LINGO2: variants seen among roughly 807,000 people sequenced by gnomAD.
LINGO2 encodes the protein leucine rich repeat and Ig domain containing 2, also known as leucine-rich repeat and immunoglobulin-like domain-containing nogo receptor-interacting protein 2.
Under a neutral mutation model 30.6 loss-of-function variants are expected in LINGO2, and 14 were observed. The observed-to-expected ratio is 0.46, with a 90% confidence interval of 0.30 to 0.72. LINGO2 has a LOEUF of 0.72. Among genes scored for constraint, LINGO2 ranks in the 30% least tolerant of loss-of-function variants. The pLI, the probability that LINGO2 is intolerant of heterozygous loss-of-function variation, is 0.07. For missense variants in LINGO2, 729 were observed against 751.7 expected (o/e 0.97, Z 0.35); for synonymous variants, 317 against 288.5 (o/e 1.10, Z -1.00).
chr9:28,617,307 T>C (rs567471812), intron 1 of LINGO2, among the ~76,000 whole-genome samples: 14 of 151,928 alleles, frequency 9.2e-5, no homozygotes, highest in East Asian at 5.8e-4. Flanking sequence ...CTTTTCTTTT[T>C]TTTTTCGAGA....
chr9:28,994,551 G>T, the LINGO2 span, among the ~76,000 whole-genome samples: 5 of 151,232 alleles, frequency 3.3e-5, no homozygotes, highest in African/African-American at 1.2e-4. Flanking sequence ...AAAAGAGCCT[G>T]CATCGCCAAG....
chr9:28,765,202 G>T, the LINGO2 span, among the ~76,000 whole-genome samples: 5 of 151,980 alleles, frequency 3.3e-5, no homozygotes, highest in Admixed American at 6.6e-5. Flanking sequence ...TCTTGAGAAA[G>T]AAAAACAAAA....
the LINGO2 span, among the ~76,000 whole-genome samples, chr9:28,808,046 T>A: frequency 3.3e-5 from 5 of 152,198 alleles, no homozygotes; most frequent in Admixed American, 3.3e-4. Flanking sequence ...AGAATCATCA[T>A]AATGACTAAA....
intron 1 of LINGO2, among the ~76,000 whole-genome samples, chr9:28,495,356 C>T (rs141097883): frequency 6.6e-6 from 1 of 152,186 alleles, no homozygotes; most frequent in Non-Finnish European, 1.5e-5. Context: ...TTAGGTCTAA[C>T]ATTTAAGTCT....
chr9:28,720,640 G>C, the LINGO2 span, among the ~76,000 whole-genome samples: 1 of 151,914 alleles, frequency 6.6e-6, no homozygotes, highest in Non-Finnish European at 1.5e-5. Flanking sequence ...AATATTATTT[G>C]ACCTAATTGA....
intron 1 of LINGO2, among the ~76,000 whole-genome samples, chr9:28,662,886 TGTGA>T (rs1363777769): frequency 6.6e-6 from 1 of 152,124 alleles, no homozygotes; most frequent in African/African-American, 2.4e-5. Flanking sequence ...TTTCCAACAT[TGTGA>T]GTAAGCAAAA....
the LINGO2 span, among the ~76,000 whole-genome samples, chr9:29,170,949 C>T: frequency 6.6e-6 from 1 of 151,956 alleles, no homozygotes; most frequent in South Asian, 2.1e-4. Context: ...GTATAAATTG[C>T]TTTAGAAGTG....
chr9:28,249,959 G>A (rs1274550383), intron 4 of LINGO2, among the ~76,000 whole-genome samples: 1 of 152,186 alleles, frequency 6.6e-6, no homozygotes, highest in Non-Finnish European at 1.5e-5. Flanking sequence ...TATTCAGATA[G>A]AAGGGGCAGC....
chr9:28,199,293 T>G (rs562992141), intron 4 of LINGO2, among the ~76,000 whole-genome samples: 2 of 151,928 alleles, frequency 1.3e-5, no homozygotes, highest in Admixed American at 1.3e-4. Context: ...TTCTCTAATG[T>G]ACTCATAAAG....
In LINGO2 at chr9:28,163,461, T is replaced by C. The variant is rs566303595; in HGVS notation, c.-87+131747A>G. On this transcript the variant is annotated intron_variant, in intron 4 of 5. Coordinates refer to ENST00000379992, the Ensembl canonical transcript of LINGO2. ...AAATACTTGAAACAATCCAATAGTTTAAAATTTTTCAAAGGATAAAAATAC... is the reference window on the plus strand; with the variant it reads ...AAATACTTGAAACAATCCAATAGTTCAAAATTTTTCAAAGGATAAAAATAC... Among the ~76,000 whole-genome samples, 297 of 152,202 alleles carry C rather than the reference T, an allele frequency of 2.0e-3. 4 individuals carry two copies. The highest frequency in any genetic ancestry group is 1.7e-3 in the Non-Finnish European group (115 of 67,992).
At chr9:28,484,967 T>A (rs1826115275) in intron 1 of LINGO2, among the ~76,000 whole-genome samples, 1 of 152,066 alleles carries the variant, frequency 6.6e-6, no homozygotes, top group African/African-American at 2.4e-5. Context: ...GACATCTAGG[T>A]CATGACTCTC....
intron 1 of LINGO2, among the ~76,000 whole-genome samples, chr9:28,635,653 T>C (rs902850594): frequency 7.2e-5 from 11 of 152,070 alleles, no homozygotes; most frequent in African/African-American, 1.4e-4. Flanking sequence ...TAAGGTTTAA[T>C]TTGGGTTTAA....
chr9:29,203,582 C>T, the LINGO2 span, among the ~76,000 whole-genome samples: 1 of 152,180 alleles, frequency 6.6e-6, no homozygotes, highest in South Asian at 2.1e-4. Flanking sequence ...TCCAATCACA[C>T]TAATGTTACT....
the LINGO2 span, among the ~76,000 whole-genome samples, chr9:29,190,052 G>T: frequency 8.8e-6 from 1 of 113,408 alleles, no homozygotes; most frequent in Middle Eastern, 4.3e-3. Context: ...GGAGAGGGAG[G>T]GGGAGGGGGA....
chr9:28,008,090 G>A (rs1012542968), intron 5 of LINGO2, among the ~76,000 whole-genome samples: 2 of 152,110 alleles, frequency 1.3e-5, no homozygotes, highest in South Asian at 2.1e-4. Flanking sequence ...GTCTTACATC[G>A]TTTGTCATCA....
the LINGO2 span, among the ~76,000 whole-genome samples, chr9:28,772,031 T>C: frequency 1 from 151,965 of 152,284 alleles, 75,824 homozygotes; most frequent in Middle Eastern, 1. Context: ...AGCACAGTGC[T>C]CTGAAGACAC....
At chr9:28,540,444 T>G (rs982284340) in intron 1 of LINGO2, among the ~76,000 whole-genome samples, 2 of 152,036 alleles carry the variant, frequency 1.3e-5, no homozygotes, top group Non-Finnish European at 2.9e-5. Flanking sequence ...TATTTTTTTG[T>G]AGAGACAGGG....
intron 3 of LINGO2, among the ~76,000 whole-genome samples, chr9:28,364,581 C>T (rs1587546500): frequency 6.6e-6 from 1 of 152,174 alleles, no homozygotes; most frequent in African/African-American, 2.4e-5. Flanking sequence ...ATCACACTGA[C>T]TGCTTGGTTT....
At chr9:27,975,391 G>A (rs1178579862) in intron 5 of LINGO2, among the ~76,000 whole-genome samples, 1 of 151,670 alleles carries the variant, frequency 6.6e-6, no homozygotes, top group Non-Finnish European at 1.5e-5. Flanking sequence ...AAAGGGTGGG[G>A]TAAATGGGGG....
Sources: gnomAD v4.1 joint callset for allele counts (sites outside exome capture counted in the v4.1 genomes callset) on GRCh38, gnomAD v4.1.1 for gene constraint, MANE v1.5 for transcripts, NCBI Gene and HGNC (gene_info 2026-07-23, HGNC 2026-07-21) for gene names.